The following SSR1 variants were observed in gnomAD, a reference collection of about 807,000 sequenced individuals.
The protein encoded by SSR1 is translocon-associated protein subunit alpha.
A neutral mutation model predicts 36.1 loss-of-function variants in SSR1; 13 were observed. The observed-to-expected ratio is 0.36, with a 90% confidence interval of 0.23 to 0.57. The LOEUF (loss-of-function observed/expected upper bound fraction) is 0.57. Ranked by LOEUF, SSR1 falls within the 20% of genes least tolerant of loss-of-function variation. SSR1 has a pLI of 0.81. For synonymous variants in SSR1, 113 were observed against 118.9 expected, an observed-to-expected ratio of 0.95 and a Z score of 0.32; for missense variants, 291 against 338.5, an observed-to-expected ratio of 0.86 and a Z score of 1.10.
rs1757495037 is a variant in SSR1 at position 7,284,173 on chromosome 6, G to A, written c.*5691C>T. ...TTTTCTTTGGGTGGTTCAGTCTGAT[G>A]CTGAAATAAATTGCAAGATGATTTT... On this transcript the variant is annotated 3_prime_UTR_variant, in exon 8 of 8. Coordinates refer to ENST00000244763, the MANE Select transcript of SSR1 (RefSeq NM_003144.5). The A allele has an allele frequency of 6.6e-6, 1 of 152,204 alleles. No individual in the cohort carries two copies. Among genetic ancestry groups the A allele is most frequent in the African/African-American group, 2.4e-5 (1 of 41,450 alleles). The allele number at this position is 152,204 out of a possible 1,614,324, so 9.4% of individuals were successfully genotyped here.
intron 6 of SSR1, 24 bp downstream of exon 6, chr6:7,297,899 T>G (rs779162444): frequency 8.2e-6 from 13 of 1,594,916 alleles, no homozygotes; most frequent in Non-Finnish European, 1.1e-5. Context: ...AACACGGCTG[T>G]AAGAGGTGTT....
intron 6 of SSR1, among the ~76,000 whole-genome samples, chr6:7,297,722 T>C (rs1265808089): frequency 2.0e-5 from 3 of 152,108 alleles, no homozygotes; most frequent in African/African-American, 4.8e-5. Context: ...AGTAAGACTC[T>C]GTCTCCAGAA....
At chr6:7,303,682 A>G (rs1222214073) in intron 2 of SSR1, 45 bp from the exon 3 acceptor site, 1 of 1,432,136 alleles carries the variant, frequency 7.0e-7, no homozygotes, top group Non-Finnish European at 9.7e-7. Context: ...GGGAGAAAAA[A>G]AAATCATTAT....
At chr6:7,305,077 A>G (rs1758026427) in intron 2 of SSR1, among the ~76,000 whole-genome samples, 1 of 152,216 alleles carries the variant, frequency 6.6e-6, no homozygotes, top group African/African-American at 2.4e-5. Context: ...AGAGACAGAG[A>G]GGCTGAAACC....
intron 7 of SSR1, among the ~76,000 whole-genome samples, chr6:7,291,862 G>A (rs561224030): frequency 2.6e-5 from 4 of 151,990 alleles, no homozygotes; most frequent in South Asian, 2.1e-4. Context: ...ACTTGAGCCC[G>A]TAAGTTCAAG....
At chr6:7,298,356 A>T (rs1190009121) in intron 5 of SSR1, among the ~76,000 whole-genome samples, 1 of 152,232 alleles carries the variant, frequency 6.6e-6, no homozygotes, top group African/African-American at 2.4e-5. Flanking sequence ...AGTTTAGAGT[A>T]AAAAAAGATT....
chr6:7,306,915 TGGGTGGTGGGG>T (rs1758077927), intron 2 of SSR1, among the ~76,000 whole-genome samples: 1 of 73,020 alleles, frequency 1.4e-5, no homozygotes, highest in Non-Finnish European at 2.3e-5. Context: ...AGACTCTGTC[TGGGTGGTGGGG>T]GGGTGGGGGA....
At chr6:7,298,928 C>A in intron 4 of SSR1, 105 bp from the exon 5 acceptor site, 1 of 850,046 alleles carries the variant, frequency 1.2e-6, no homozygotes. Context: ...ATATAGCCTT[C>A]CCATCACTTA....
intron 7 of SSR1, among the ~76,000 whole-genome samples, chr6:7,290,988 G>A (rs79247121): frequency 3.3e-5 from 5 of 152,214 alleles, no homozygotes; most frequent in Non-Finnish European, 5.9e-5. Flanking sequence ...GGGTTTAAGC[G>A]ATTTTCGTGC....
chr6:7,298,604 TATGA>T lies in SSR1; in HGVS notation c.620+139_620+142del, dbSNP rs1581631457. On this transcript the variant is annotated intron_variant, in intron 5 of 7. Coordinates refer to ENST00000244763, the MANE Select transcript of SSR1 (RefSeq NM_003144.5). ...TTATAGTTATAAGAATCATCTGAAGTATGAATGAATATCGTAAGGATTTCACCAA... is the reference window on the plus strand; with the variant it reads ...TTATAGTTATAAGAATCATCTGAAGTATGAATATCGTAAGGATTTCACCAA... The T allele has an allele frequency of 2.3e-5, 14 of 602,594 alleles. No individual in the cohort carries two copies. The East Asian group carries it at 3.6e-4, about 16-fold the overall frequency. The allele number at this position is 602,594 out of a possible 1,614,324, so 37.3% of individuals were successfully genotyped here.
chr6:7,311,147 G>A (rs1052677920), intron 1 of SSR1, among the ~76,000 whole-genome samples: 2 of 152,118 alleles, frequency 1.3e-5, no homozygotes, highest in Non-Finnish European at 2.9e-5. Flanking sequence ...AATTATTTTT[G>A]CATGTGGCTT....
At chr6:7,303,741 A>G in intron 2 of SSR1, 104 bp from the exon 3 acceptor site, 1 of 811,004 alleles carries the variant, frequency 1.2e-6, no homozygotes, top group Non-Finnish European at 1.9e-6. Flanking sequence ...TTATAATCTC[A>G]GCACTTGGCC....
chr6:7,308,385 GA>G (rs1758117096), intron 2 of SSR1, among the ~76,000 whole-genome samples: 1 of 152,030 alleles, frequency 6.6e-6, no homozygotes, highest in South Asian at 2.1e-4. Context: ...CTATATATAA[GA>G]ATAAATATTT....
intron 2 of SSR1, among the ~76,000 whole-genome samples, chr6:7,305,389 C>A (rs1758033112): frequency 6.6e-6 from 1 of 152,144 alleles, no homozygotes; most frequent in South Asian, 2.1e-4. Context: ...TTGCTGGTGA[C>A]CTTAGCAATA....
At chr6:7,298,099 A>G in intron 5 of SSR1, 98 bp from the exon 6 acceptor site, 1 of 900,420 alleles carries the variant, frequency 1.1e-6, no homozygotes, top group African/African-American at 1.7e-5. Context: ...AGCTTTCCAA[A>G]TAACTTGTGG....
intron 7 of SSR1, among the ~76,000 whole-genome samples, chr6:7,292,562 T>A (rs1459812202): frequency 1.3e-5 from 2 of 151,064 alleles, no homozygotes; most frequent in Non-Finnish European, 3.0e-5. Flanking sequence ...TTCTTTTTTT[T>A]CTCTTAGAGA....
chr6:7,295,231 C>T (rs1427045975), intron 7 of SSR1, 161 bp downstream of exon 7: 6 of 1,105,440 alleles, frequency 5.4e-6, no homozygotes, highest in African/African-American at 1.6e-5. Context: ...ACTGAATAAA[C>T]CTTTAAGGTC....
At chr6:7,293,056 C>T (rs557604676) in intron 7 of SSR1, among the ~76,000 whole-genome samples, 6 of 152,284 alleles carry the variant, frequency 3.9e-5, no homozygotes, top group African/African-American at 7.2e-5. Context: ...TACTCCCCCA[C>T]GGCAACCCCA....
intron 6 of SSR1, among the ~76,000 whole-genome samples, chr6:7,296,456 G>GA (rs1224887706): frequency 1.1e-4 from 17 of 152,176 alleles, no homozygotes; most frequent in Admixed American, 7.9e-4. Context: ...CTTTTAAAGA[G>GA]AAAGAGCTTA....
Sources: allele counts gnomAD v4.1 joint callset (sites outside exome capture counted in the v4.1 genomes callset), GRCh38; gene constraint gnomAD v4.1.1; transcripts MANE v1.5; gene names NCBI Gene and HGNC (gene_info 2026-07-23, HGNC 2026-07-21).